The following FGFRL1 variants were observed in gnomAD, a reference collection of about 807,000 sequenced individuals.
The protein encoded by FGFRL1 is fibroblast growth factor receptor like 1, also known as fibroblast growth factor receptor-like 1.
In FGFRL1, 24 loss-of-function variants were observed where a neutral mutation model predicts 36.8. The ratio of observed to expected loss-of-function variants is 0.65; its 90% CI spans 0.47 to 0.92. FGFRL1 has a LOEUF of 0.92. Ranked by LOEUF, FGFRL1 falls within the 40% of genes least tolerant of loss-of-function variation. The pLI, the probability that FGFRL1 is intolerant of heterozygous loss-of-function variation, is 0.00. For synonymous variants in FGFRL1, 422 were observed against 344.1 expected (o/e 1.23, Z -2.50); for missense variants, 785 against 753.4 (o/e 1.04, Z -0.49).
rs572051619 is a variant in FGFRL1, at chr4:1,023,201, G to T, written c.353-440G>T. On this transcript the variant is annotated intron_variant, in intron 3 of 6. Transcript: ENST00000510644. This position sits in a 1 kb window ranked among gnomAD's most constrained non-coding sequence, Gnocchi z 6.0. Reference sequence around the variant, plus strand: ...CATTCCACAGCACGCCCTGCCCCTCGGCATTGTGTGGAATGGGAAAACTGG... The same window carrying T: ...CATTCCACAGCACGCCCTGCCCCTCTGCATTGTGTGGAATGGGAAAACTGG... Among the ~76,000 whole-genome samples the T allele has an allele frequency of 6.6e-6, 1 of 152,142 alleles. No individual in the cohort carries two copies. Among genetic ancestry groups the T allele is most frequent in the Non-Finnish European group, 1.5e-5 (1 of 67,992 alleles).
At position 1,025,234 on chromosome 4, in the gene FGFRL1, C is replaced by T. The variant is rs749989018; in HGVS notation, c.1402C>T (p.Pro468Ser). The change falls in exon 7 of 7, where the codon CCT becomes TCT. Residue 468 changes from proline (P) to serine (S), a missense_variant. Pro to Ser is a moderately conservative substitution (Grantham distance 74, BLOSUM62 -1). Coordinates refer to ENST00000510644, the MANE Select transcript of FGFRL1 (RefSeq NM_001004356.3). ...HLLGPGPVAG[P>S]KLYPKLYTDI... is the part of the protein sequence containing the mutation. The stretch of plus-strand genomic sequence containing the variant: ...ACTGGGCCCAGGCCCAGTTGCTGGC[C>T]CTAAGTTGTACCCCAAACTCTACAC... The T allele has an allele frequency of 6.2e-7, 1 of 1,608,982 alleles. No homozygotes were observed. Among genetic ancestry groups the T allele is most frequent in the South Asian group, 1.1e-5 (1 of 90,456 alleles).
At chr4:1,022,596 C>A (rs1039706411) in intron 3 of FGFRL1, 121 bp downstream of exon 3, 2 of 1,243,274 alleles carry the variant, frequency 1.6e-6, no homozygotes, top group African/African-American at 3.0e-5. Context: ...AGAAAGCCTT[C>A]CTTCGGTGCC....
At chr4:1,012,899 T>A (rs1337274014) in intron 2 of FGFRL1, among the ~76,000 whole-genome samples, 2 of 152,244 alleles carry the variant, frequency 1.3e-5, no homozygotes, top group African/African-American at 4.8e-5. Context: ...TGTGGATTCT[T>A]GGGGAGTGGG....
chr4:1,011,927 C>G lies in FGFRL1; in HGVS notation c.-44C>G, dbSNP rs1715604822. ...CGCCGCGGGCCCGGCCCTGACCCCG[C>G]CGCCCGCCCGCTGAGCCCCCCGCCG... On this transcript the variant is annotated 5_prime_UTR_variant, in exon 1 of 7. Coordinates refer to ENST00000510644, the MANE Select transcript of FGFRL1 (RefSeq NM_001004356.3). The G allele has an allele frequency of 6.9e-6, 1 of 145,894 alleles. No homozygotes were observed. Among genetic ancestry groups the G allele is most frequent in the South Asian group, 2.1e-4 (1 of 4,804 alleles). 9.0% of individuals were successfully genotyped at this position (145,894 alleles called of 1,614,324 possible).
chr4:1,022,542 G>A (rs963021412), intron 3 of FGFRL1, 67 bp downstream of exon 3: 9 of 1,508,930 alleles, frequency 6.0e-6, no homozygotes, highest in Non-Finnish European at 7.1e-6. Context: ...GCAGGAGGGC[G>A]GACGGGGACA....
intron 2 of FGFRL1, among the ~76,000 whole-genome samples, chr4:1,014,908 T>A (rs1462053311): frequency 6.6e-6 from 1 of 152,174 alleles, no homozygotes; most frequent in African/African-American, 2.4e-5. Context: ...CGCCTTTGGC[T>A]GGGCCTGGAA....
chr4:1,025,799 G>A lies in FGFRL1; in HGVS notation c.*452G>A, dbSNP rs762546540. The A allele has an allele frequency of 1.0e-4, 22 of 214,138 alleles. No individual in the cohort carries two copies. The highest frequency in any genetic ancestry group is 2.0e-4 in the Non-Finnish European group (22 of 108,538). 13.3% of individuals were successfully genotyped at this position (214,138 alleles called of 1,614,324 possible). On this transcript the variant is annotated 3_prime_UTR_variant, in exon 7 of 7. Transcript: ENST00000510644. The stretch of plus-strand genomic sequence containing the variant: ...AGATATGGTATCCGGACACACACGT[G>A]CACAGATATGCTGCCTGGACACACA...
At chr4:1,019,992 A>G (rs1716087085) in intron 2 of FGFRL1, among the ~76,000 whole-genome samples, 2 of 152,162 alleles carry the variant, frequency 1.3e-5, no homozygotes, top group East Asian at 1.9e-4. Context: ...CTCAGAACCT[A>G]GAGGCCCTGG....
At chr4:1,021,259 C>T (rs964661090) in intron 2 of FGFRL1, among the ~76,000 whole-genome samples, 12 of 151,888 alleles carry the variant, frequency 7.9e-5, no homozygotes, top group African/African-American at 2.7e-4. Context: ...GAAAGGAGGC[C>T]TCTGCCAGGA....
In FGFRL1 at chr4:1,022,229, G is replaced by A. The variant is rs751465034; in HGVS notation, c.106G>A (p.Val36Ile). 13 of 1,550,096 alleles carry A rather than the reference G, an allele frequency of 8.4e-6. No homozygotes were observed. Among genetic ancestry groups the A allele is most frequent in the Non-Finnish European group, 1.0e-5 (12 of 1,144,906 alleles). Reference protein sequence around the residue: ...RGPPKMADKVVPRQVARLGRT... With the variant: ...RGPPKMADKVIPRQVARLGRT... ...CCCCCCAAAGATGGCGGACAAGGTG[G>A]TCCCACGGCAGGTGGCCCGGCTGGG... The change falls in exon 3 of 7, where the codon GTC becomes ATC. Residue 36 changes from valine to isoleucine, a missense_variant. Coordinates refer to ENST00000510644, the MANE Select transcript of FGFRL1 (RefSeq NM_001004356.3).
chr4:1,026,263 TC>T lies in FGFRL1; in HGVS notation c.*918del. ...CAGATATGCTGCCTGGGCACACACT[TC>T]CGGACACACATGCACACACAGGTGC... On this transcript the variant is annotated 3_prime_UTR_variant, in exon 7 of 7. Transcript: ENST00000510644. 1 of 156,498 alleles carries T rather than the reference TC, an allele frequency of 6.4e-6. No individual in the cohort carries two copies. The allele number at this position is 156,498 out of a possible 1,614,324, so 9.7% of individuals were successfully genotyped here.
At chr4:1,013,528 AC>A (rs201318154) in intron 2 of FGFRL1, among the ~76,000 whole-genome samples, 12 of 124,118 alleles carry the variant, frequency 9.7e-5, no homozygotes, top group South Asian at 2.9e-4. Context: ...ATGCCACAGC[AC>A]CCCCCCCTAC....
At chr4:1,012,391 T>C in intron 1 of FGFRL1, 79 bp from the exon 2 acceptor site, 5 of 1,529,114 alleles carry the variant, frequency 3.3e-6, no homozygotes, top group Non-Finnish European at 4.4e-6. Context: ...GCCAGACCCC[T>C]GATCCCCGCG....
chr4:1,026,713 C>T lies in FGFRL1; in HGVS notation c.*1366C>T, dbSNP rs1365910454. 5.1e-6 allele frequency: 2 copies of T among 391,432 alleles called. No homozygotes were observed. The highest frequency in any genetic ancestry group is 1.8e-5 in the South Asian group (1 of 54,130). The allele number at this position is 391,432 out of a possible 1,614,324, so 24.2% of individuals were successfully genotyped here. ...CTGGGTTGCAGGGACTGTGGTCTCT[C>T]CTGGGGCCCGGGACCCGCCTGGTCT... is the stretch of plus-strand genomic sequence containing the variant. On this transcript the variant is annotated 3_prime_UTR_variant, in exon 7 of 7. Transcript: ENST00000510644.
chr4:1,025,421 CA>C lies in FGFRL1; in HGVS notation c.*75del, dbSNP rs1716465796. The C allele has an allele frequency of 2.0e-6, 3 of 1,481,628 alleles. No homozygotes were observed. Among genetic ancestry groups the C allele is most frequent in the Admixed American group, 4.4e-5 (2 of 45,836 alleles). 91.8% of individuals were successfully genotyped at this position (1,481,628 alleles called of 1,614,324 possible). A position where few individuals can be genotyped will look rare whatever the true frequency, so the allele number is the denominator to read the frequency against. ...ACTGGGAGGATGGAGGACGGAGCTGCAGACGAAGGCAGGGGACCCATGGCGA... is the reference window on the plus strand; with the variant it reads ...ACTGGGAGGATGGAGGACGGAGCTGCGACGAAGGCAGGGGACCCATGGCGA... On this transcript the variant is annotated 3_prime_UTR_variant, in exon 7 of 7. Coordinates refer to ENST00000510644, the MANE Select transcript of FGFRL1 (RefSeq NM_001004356.3).
At position 1,023,124 on chromosome 4, in the gene FGFRL1, C is replaced by A. The variant is rs1448529824; in HGVS notation, c.353-517C>A. Among the ~76,000 whole-genome samples the A allele has an allele frequency of 6.6e-6, 1 of 152,146 alleles. No homozygotes were observed. Among genetic ancestry groups the A allele is most frequent in the Non-Finnish European group, 1.5e-5 (1 of 68,004 alleles). On this transcript the variant is annotated intron_variant, in intron 3 of 6. Coordinates refer to ENST00000510644, the MANE Select transcript of FGFRL1 (RefSeq NM_001004356.3). The surrounding 1 kb of genome is among the most constrained non-coding windows in gnomAD (Gnocchi z 6.0). The stretch of plus-strand genomic sequence containing the variant: ...GGTCTGGGGGTGCGGCCTGAGACAG[C>A]CTGGTCCTGGGCTCAGTGAAGGAGC...
chr4:1,019,718 T>A (rs1716073587), intron 2 of FGFRL1, among the ~76,000 whole-genome samples: 1 of 152,004 alleles, frequency 6.6e-6, no homozygotes, highest in Non-Finnish European at 1.5e-5. Context: ...TCCGGGGAGC[T>A]GCAGGGAGGG....
chr4:1,021,428 C>T (rs1401191089), intron 2 of FGFRL1, among the ~76,000 whole-genome samples: 1 of 152,126 alleles, frequency 6.6e-6, no homozygotes, highest in Non-Finnish European at 1.5e-5. Context: ...AGCTACGTCT[C>T]TCCAGAGGCT....
chr4:1,016,199 C>T (rs1490664814), intron 2 of FGFRL1, among the ~76,000 whole-genome samples: 2 of 152,300 alleles, frequency 1.3e-5, no homozygotes, highest in South Asian at 4.2e-4. Flanking sequence ...CACCCCTGAT[C>T]TCTGGCCTCA....
Sources: allele counts gnomAD v4.1 joint callset (sites outside exome capture counted in the v4.1 genomes callset), GRCh38; gene constraint gnomAD v4.1.1; non-coding constraint Gnocchi (gnomAD v3.1); transcripts MANE v1.5; gene names NCBI Gene and HGNC (gene_info 2026-07-23, HGNC 2026-07-21).